The following AFF3 variants were observed in gnomAD, a reference collection of about 807,000 sequenced individuals.
AFF3 encodes the protein AF4/FMR2 family member 3.
In AFF3, 32 loss-of-function variants were observed where a neutral mutation model predicts 129.7. The ratio of observed to expected loss-of-function variants is 0.25; its 90% CI spans 0.19 to 0.33. The LOEUF (loss-of-function observed/expected upper bound fraction) is 0.33. AFF3 is among the 10% of genes least tolerant of loss of function. AFF3 has a pLI of 1.00. For synonymous variants in AFF3, 644 were observed against 635.4 expected, an observed-to-expected ratio of 1.01 and a Z score of -0.20; for missense variants, 1,373 against 1,592.0, an observed-to-expected ratio of 0.86 and a Z score of 2.34.
At chr2:99,797,187 T>C (rs1179278130) in intron 8 of AFF3, among the ~76,000 whole-genome samples, 1 of 152,186 alleles carries the variant, frequency 6.6e-6, no homozygotes, top group Non-Finnish European at 1.5e-5. Context: ...TGGACAAAGA[T>C]ATTAAACAGT....
intron 7 of AFF3, among the ~76,000 whole-genome samples, chr2:99,888,153 C>T (rs1022435477): frequency 6.6e-6 from 1 of 152,074 alleles, no homozygotes; most frequent in Admixed American, 6.6e-5. Context: ...AGTATATTCC[C>T]AATAAAATAC....
At chr2:100,138,582 T>C (rs1573481999) in intron 1 of AFF3, among the ~76,000 whole-genome samples, 1 of 152,206 alleles carries the variant, frequency 6.6e-6, no homozygotes, top group East Asian at 1.9e-4. Flanking sequence ...AGGGAGCTCA[T>C]ACCACTTAAA....
chr2:99,649,616 C>T lies in AFF3; in HGVS notation c.1184+10G>A. On this transcript the variant is annotated intron_variant, in intron 13 of 24. Transcript: ENST00000672756. ...AGCAATTTATAGTTCATAAAAATGA[C>T]AAAATGTACCTGTCAGAGAGAGCGC... 1.2e-6 allele frequency: 2 copies of T among 1,613,534 alleles called. No individual in the cohort carries two copies. The highest frequency in any genetic ancestry group is 1.7e-6 in the Non-Finnish European group (2 of 1,179,764).
intron 24 of AFF3, among the ~76,000 whole-genome samples, chr2:99,551,860 T>C (rs1674440349): frequency 6.6e-6 from 1 of 152,194 alleles, no homozygotes; most frequent in African/African-American, 2.4e-5. Context: ...AGAAAATCCA[T>C]ATCCTCCAGC....
intron 4 of AFF3, among the ~76,000 whole-genome samples, chr2:100,023,313 G>A (rs923142509): frequency 6.6e-6 from 1 of 152,200 alleles, no homozygotes; most frequent in East Asian, 1.9e-4. Context: ...GGAAGCAGCA[G>A]CCTCAAGGAG....
chr2:99,591,016 T>A (rs542584608), intron 15 of AFF3, among the ~76,000 whole-genome samples: 2,892 of 146,942 alleles, frequency 0.02, 41 homozygotes, highest in Middle Eastern at 0.05. Flanking sequence ...AAAAAAAAAA[T>A]TTTTTTTTCT....
At chr2:99,917,554 G>A (rs1576345488) in intron 7 of AFF3, among the ~76,000 whole-genome samples, 1 of 152,160 alleles carries the variant, frequency 6.6e-6, no homozygotes, top group African/African-American at 2.4e-5. Context: ...GCTCGTCAAG[G>A]AAGGTGAACA....
chr2:99,634,206 C>T (rs1411774101), intron 13 of AFF3, among the ~76,000 whole-genome samples: 1 of 152,210 alleles, frequency 6.6e-6, no homozygotes, highest in African/African-American at 2.4e-5. Context: ...CTGTCCCAGG[C>T]CACATCTTTT....
intron 4 of AFF3, among the ~76,000 whole-genome samples, chr2:100,026,608 T>C (rs1160072000): frequency 6.6e-6 from 1 of 151,886 alleles, no homozygotes. Flanking sequence ...TGCATGTTTA[T>C]AGCAGCACAA....
At chr2:99,832,620 CAG>C (rs761197913) in intron 8 of AFF3, among the ~76,000 whole-genome samples, 3 of 152,326 alleles carry the variant, frequency 2.0e-5, no homozygotes, top group South Asian at 2.1e-4. Flanking sequence ...ATTAATCTCA[CAG>C]ATATAAAATG....
chr2:99,778,903 T>TGC (rs1684169074), intron 8 of AFF3, among the ~76,000 whole-genome samples: 3 of 14,826 alleles, frequency 2.0e-4, no homozygotes, highest in African/African-American at 9.7e-4. Flanking sequence ...TGCGCGTGTG[T>TGC]GTGTGTGTGT....
chr2:99,930,696 G>A (rs188915889), intron 7 of AFF3, among the ~76,000 whole-genome samples: 2 of 152,282 alleles, frequency 1.3e-5, no homozygotes, highest in Admixed American at 1.3e-4. Context: ...TATGCAGATG[G>A]GGGGAGGGAA....
intron 14 of AFF3, among the ~76,000 whole-genome samples, chr2:99,599,650 C>T (rs1679627066): frequency 6.6e-6 from 1 of 152,164 alleles, no homozygotes; most frequent in Admixed American, 6.5e-5. Flanking sequence ...ATGAATTTAA[C>T]CTGCAAAGCC....
In AFF3 at chr2:100,105,499, C is replaced by G. The variant is rs1691220073; in HGVS notation, c.-65+5G>C. 2 of 1,329,478 alleles carry G rather than the reference C, an allele frequency of 1.5e-6. No individual in the cohort carries two copies. Among genetic ancestry groups the G allele is most frequent in the African/African-American group, 3.0e-5 (2 of 66,680 alleles). The allele number at this position is 1,329,478 out of a possible 1,614,324, so 82.4% of individuals were successfully genotyped here. A position where few individuals can be genotyped will look rare whatever the true frequency, so the allele number is the denominator to read the frequency against. On this transcript the variant is annotated splice_donor_5th_base_variant and intron_variant, in intron 3 of 24. Transcript: ENST00000672756. ...AAACCAACCTCCTTTCTTTTTATTT[C>G]TCACCGGGAAGGGGGACAAACTGGC...
chr2:100,113,683 C>T (rs972352927), intron 2 of AFF3, among the ~76,000 whole-genome samples: 11 of 152,188 alleles, frequency 7.2e-5, no homozygotes, highest in African/African-American at 2.4e-5. Flanking sequence ...GACCAAGGCA[C>T]TCCTAAAGGG....
At chr2:99,596,745 C>T (rs1044188360) in intron 14 of AFF3, among the ~76,000 whole-genome samples, 2 of 152,178 alleles carry the variant, frequency 1.3e-5, no homozygotes, top group Admixed American at 1.3e-4. Context: ...CTGAAACTTC[C>T]TAGCAGGAGC....
intron 7 of AFF3, among the ~76,000 whole-genome samples, chr2:99,929,058 G>C (rs568544285): frequency 6.6e-6 from 1 of 152,128 alleles, no homozygotes; most frequent in Non-Finnish European, 1.5e-5. Context: ...AATACATTTT[G>C]GACAATTATT....
In AFF3 at chr2:99,545,445, C is replaced by T. The variant is rs1000157434; in HGVS notation, c.*6029G>A. 2.0e-5 allele frequency: 3 copies of T among 151,996 alleles called. No individual in the cohort carries two copies. Among genetic ancestry groups the T allele is most frequent in the Admixed American group, 6.6e-5 (1 of 15,246 alleles). The allele number at this position is 151,996 out of a possible 1,614,324, so 9.4% of individuals were successfully genotyped here. ...AGAACATTGATATTATTTTAATTAC[C>T]CAACAGCACTCTAAAAATCCTAAAC... On this transcript the variant is annotated 3_prime_UTR_variant, in exon 25 of 25. Coordinates refer to ENST00000672756, the MANE Select transcript of AFF3 (RefSeq NM_001386135.1).
intron 8 of AFF3, among the ~76,000 whole-genome samples, chr2:99,825,118 C>T (rs962552474): frequency 6.6e-6 from 1 of 152,128 alleles, no homozygotes; most frequent in Non-Finnish European, 1.5e-5. Context: ...GGCACATCCA[C>T]ACATCAGATT....
Sources: allele counts gnomAD v4.1 joint callset (sites outside exome capture counted in the v4.1 genomes callset), GRCh38; gene constraint gnomAD v4.1.1; transcripts MANE v1.5; gene names NCBI Gene and HGNC (gene_info 2026-07-23, HGNC 2026-07-21).